Variants in ITPR2 observed in about 807,000 individuals in gnomAD.
The protein encoded by ITPR2 is inositol 1,4,5-trisphosphate-gated calcium channel ITPR2.
Under a neutral mutation model 317.1 loss-of-function variants are expected in ITPR2, and 207 were observed. The observed-to-expected ratio is 0.65, with a 90% CI of 0.58 to 0.73. ITPR2 has a LOEUF of 0.73. Ranked by LOEUF, ITPR2 falls within the 30% of genes least tolerant of loss-of-function variation. The pLI is 0.00. For synonymous variants in ITPR2, 1,156 were observed against 1,149.1 expected (o/e 1.01, Z -0.12); for missense variants, 2,613 against 3,284.0 (o/e 0.80, Z 4.99).
intron 24 of ITPR2, among the ~76,000 whole-genome samples, chr12:26,622,890 G>C (rs1591972416): frequency 6.6e-6 from 1 of 152,186 alleles, no homozygotes; most frequent in African/African-American, 2.4e-5. Flanking sequence ...TCTGGGTGAG[G>C]TTCCACTGGA....
At chr12:26,635,279 G>A (rs920699319) in intron 21 of ITPR2, among the ~76,000 whole-genome samples, 14 of 152,236 alleles carry the variant, frequency 9.2e-5, no homozygotes, top group Non-Finnish European at 1.6e-4. Flanking sequence ...TATAGCAGGT[G>A]TAAGAGATTT....
chr12:26,538,480 C>G (rs1388612221), intron 37 of ITPR2, among the ~76,000 whole-genome samples: 1 of 152,206 alleles, frequency 6.6e-6, no homozygotes, highest in Non-Finnish European at 1.5e-5. Context: ...TAATTCCCTA[C>G]TATGTGGAGA....
intron 18 of ITPR2, among the ~76,000 whole-genome samples, chr12:26,657,252 G>A (rs889554429): frequency 6.6e-6 from 1 of 152,164 alleles, no homozygotes; most frequent in African/African-American, 2.4e-5. Flanking sequence ...CTGAACTTTC[G>A]TTAACTACAG....
chr12:26,762,760 TAAC>T (rs1949659954), intron 2 of ITPR2, among the ~76,000 whole-genome samples: 1 of 152,140 alleles, frequency 6.6e-6, no homozygotes, highest in African/African-American at 2.4e-5. Flanking sequence ...GTAGCTATAA[TAAC>T]TTGTTAATGG....
intron 26 of ITPR2, among the ~76,000 whole-genome samples, chr12:26,608,645 C>T (rs1946193838): frequency 1.3e-5 from 2 of 151,296 alleles, no homozygotes; most frequent in Non-Finnish European, 1.5e-5. Context: ...TCTGCCTGGC[C>T]CGCCCCACAG....
chr12:26,590,801 C>T (rs1003902424), intron 32 of ITPR2, among the ~76,000 whole-genome samples: 2 of 152,070 alleles, frequency 1.3e-5, no homozygotes, highest in East Asian at 1.9e-4. Context: ...GGCTTCAGGT[C>T]GGGCACAGTG....
At chr12:26,819,375 T>A (rs1027893820) in intron 1 of ITPR2, among the ~76,000 whole-genome samples, 10 of 152,212 alleles carry the variant, frequency 6.6e-5, no homozygotes, top group Non-Finnish European at 1.5e-4. Context: ...ATGATATAAA[T>A]TAACGAGGAA....
chr12:26,500,748 A>T (rs16930877), intron 37 of ITPR2, among the ~76,000 whole-genome samples: 4 of 152,136 alleles, frequency 2.6e-5, no homozygotes, highest in Admixed American at 6.5e-5. Flanking sequence ...ATCAAAAATT[A>T]AAAAGTTCAG....
chr12:26,494,254 G>GT lies in ITPR2; in HGVS notation c.5268dup (p.Leu1757ThrfsTer12). The GT allele has an allele frequency of 6.2e-7, 1 of 1,613,446 alleles. No homozygotes were observed. Among genetic ancestry groups the GT allele is most frequent in the Non-Finnish European group, 8.5e-7 (1 of 1,179,586 alleles). On this transcript the variant is annotated frameshift_variant, in exon 39 of 57. Coordinates refer to ENST00000381340, the MANE Select transcript of ITPR2 (RefSeq NM_002223.4). LOFTEE classifies it high-confidence loss of function. ...GTGTTCACTATAACATCGATGACAA[G>GT]TTCTGATGCACCTTCTTTATCCAGC...
At chr12:26,352,046 T>C (rs1406751040) in intron 55 of ITPR2, among the ~76,000 whole-genome samples, 1 of 152,138 alleles carries the variant, frequency 6.6e-6, no homozygotes, top group Non-Finnish European at 1.5e-5. Flanking sequence ...CTGCCCACAA[T>C]CTGAAGCTCC....
chr12:26,772,304 G>A (rs759641286), intron 2 of ITPR2, among the ~76,000 whole-genome samples: 6 of 150,122 alleles, frequency 4.0e-5, no homozygotes, highest in Non-Finnish European at 7.4e-5. Flanking sequence ...CTCATCACTC[G>A]AAACAGGAAA....
At chr12:26,621,622 T>C (rs974237569) in intron 25 of ITPR2, among the ~76,000 whole-genome samples, 2 of 152,212 alleles carry the variant, frequency 1.3e-5, no homozygotes, top group East Asian at 1.9e-4. Context: ...TATTTTCTTA[T>C]AATTTACATG....
At chr12:26,486,760 G>T (rs1001333908) in intron 40 of ITPR2, 84 of 574,816 alleles carry the variant, frequency 1.5e-4, no homozygotes, top group Non-Finnish European at 2.3e-4. Context: ...GGTAATTTCT[G>T]TTTTTAAAGT....
rs142708378 is a variant in ITPR2 at position 26,540,645 on chromosome 12, A to C, written c.5073+9602T>G. ...GGTAGCATATCTCAAAAACCCTTGA[A>C]GCAATGAGTGCTATTATGTGAGATT... On this transcript the variant is annotated intron_variant, in intron 37 of 56. Transcript: ENST00000381340. Among the ~76,000 whole-genome samples, 56 of 152,318 alleles carry C rather than the reference A, an allele frequency of 3.7e-4. 1 individual carries two copies. The East Asian group carries it at 0.011, about 29-fold the overall frequency.
chr12:26,707,454 G>C (rs1180759494), intron 9 of ITPR2, among the ~76,000 whole-genome samples: 1 of 152,194 alleles, frequency 6.6e-6, no homozygotes, highest in African/African-American at 2.4e-5. Context: ...CTAGGAGGTT[G>C]TCACTCAAAA....
chr12:26,649,048 A>G (rs1401823765), intron 21 of ITPR2: 1 of 152,186 alleles, frequency 6.6e-6, no homozygotes, highest in Non-Finnish European at 1.5e-5. Context: ...TTCCTACCAG[A>G]TTAATTATTT....
At chr12:26,537,697 A>T (rs1000427976) in intron 37 of ITPR2, among the ~76,000 whole-genome samples, 41 of 152,208 alleles carry the variant, frequency 2.7e-4, no homozygotes, top group Non-Finnish European at 2.9e-5. Context: ...GTGCTCATTT[A>T]CATATCACAT....
At chr12:26,537,608 T>A (rs1055786723) in intron 37 of ITPR2, among the ~76,000 whole-genome samples, 3 of 152,212 alleles carry the variant, frequency 2.0e-5, no homozygotes, top group Non-Finnish European at 4.4e-5. Flanking sequence ...TTATAAGCAT[T>A]TGATTAGATT....
rs1436628418 is a variant in ITPR2 at position 26,655,826 on chromosome 12, C to A, written c.2471G>T (p.Arg824Ile). The A allele has an allele frequency of 6.2e-7, 1 of 1,611,196 alleles. No individual in the cohort carries two copies. Among genetic ancestry groups the A allele is most frequent in the Non-Finnish European group, 8.5e-7 (1 of 1,178,522 alleles). The change falls in exon 20 of 57, where the codon AGA (arginine) becomes ATA (isoleucine). Residue 824 changes from arginine to isoleucine, a missense_variant. By Grantham distance (97) the Arg-to-Ile change is moderately conservative (BLOSUM62 -3). This residue lies in a region of ITPR2 where 817 missense variants were observed against 897.6 expected (regional missense o/e 0.91). Coordinates refer to ENST00000381340, the MANE Select transcript of ITPR2 (RefSeq NM_002223.4). ...HEYDSITDSSRNDMKRKFALT... is the reference protein window; with the variant it reads ...HEYDSITDSSINDMKRKFALT... ...GGCAAATTTCCTCTTCATATCATTT[C>A]TGGAAGAGTCTGTTATAGAATCATA...
Sources: gnomAD v4.1 joint callset for allele counts (sites outside exome capture counted in the v4.1 genomes callset) on GRCh38, gnomAD v4.1.1 for gene constraint, gnomAD v4.1.1 regional missense constraint, MANE v1.5 for transcripts, NCBI Gene and HGNC (gene_info 2026-07-23, HGNC 2026-07-21) for gene names.